JAKMIP2: variants seen among roughly 807,000 people sequenced by gnomAD.
JAKMIP2 encodes the protein janus kinase and microtubule-interacting protein 2.
In JAKMIP2, 25 loss-of-function variants were observed where a neutral mutation model predicts 115.0. The ratio of observed to expected loss-of-function variants is 0.22; its 90% CI spans 0.16 to 0.30. The LOEUF is 0.30. JAKMIP2 is among the 10% of genes least tolerant of loss of function. The pLI is 1.00. For synonymous variants in JAKMIP2, 334 were observed against 343.6 expected (o/e 0.97, Z 0.31); for missense variants, 642 against 957.6 (o/e 0.67, Z 4.35).
At chr5:147,702,446 G>T (rs1425185594) in intron 1 of JAKMIP2, among the ~76,000 whole-genome samples, 5 of 120,644 alleles carry the variant, frequency 4.1e-5, no homozygotes, top group Non-Finnish European at 6.4e-5. Flanking sequence ...AGGTAGGAAG[G>T]AAGGAAGGAA....
At chr5:147,741,779 C>T (rs1002040629) in intron 1 of JAKMIP2, among the ~76,000 whole-genome samples, 2 of 152,000 alleles carry the variant, frequency 1.3e-5, no homozygotes, top group Non-Finnish European at 1.5e-5. Context: ...TTAGAATCAA[C>T]GGTCAGTATA....
chr5:147,638,658 A>T (rs2126710046), intron 10 of JAKMIP2, among the ~76,000 whole-genome samples: 1 of 150,420 alleles, frequency 6.6e-6, no homozygotes, highest in East Asian at 2.0e-4. Context: ...TGCATTGTAG[A>T]CCCTCCAGAA....
Position 147,638,689 on chromosome 5 carries a change from T to C in JAKMIP2, c.1530+943A>G, listed in dbSNP as rs1236918547. On this transcript the variant is annotated intron_variant, in intron 10 of 21. Transcript: ENST00000616793. Reference sequence around the variant, plus strand: ...CAGAAAGAAAGTAGGATGAAATCACTGGGTGGTCTCGGTGGTCATGCTGCC... The same window carrying C: ...CAGAAAGAAAGTAGGATGAAATCACCGGGTGGTCTCGGTGGTCATGCTGCC... Among the ~76,000 whole-genome samples the C allele has an allele frequency of 3.9e-5, 6 of 152,186 alleles. No homozygotes were observed. The East Asian group carries it at 1.2e-3, about 29-fold the overall frequency.
chr5:147,763,991 C>A (rs1383597396), intron 1 of JAKMIP2, among the ~76,000 whole-genome samples: 1 of 152,134 alleles, frequency 6.6e-6, no homozygotes, highest in African/African-American at 2.4e-5. Context: ...ATGGAAAATA[C>A]TTAGAGACCA....
chr5:147,627,347 C>T (rs1169171897), intron 16 of JAKMIP2, among the ~76,000 whole-genome samples: 1 of 151,842 alleles, frequency 6.6e-6, no homozygotes, highest in African/African-American at 2.4e-5. Flanking sequence ...CAAGATGGGA[C>T]TATCTTCCAG....
intron 17 of JAKMIP2, among the ~76,000 whole-genome samples, 154 bp downstream of exon 17, chr5:147,623,467 C>G (rs1478331552): frequency 6.6e-6 from 1 of 152,020 alleles, no homozygotes; most frequent in African/African-American, 2.4e-5. Flanking sequence ...TTTGGTACTT[C>G]TGGTAATTTT....
rs185251051 is a variant in JAKMIP2 at position 147,586,856 on chromosome 5, T to A, written c.*4851A>T. The stretch of plus-strand genomic sequence containing the variant: ...TATCCTGCCACCTTAGCCTTCTGAG[T>A]AGCTATCTTTAGGAATTTTGATTAA... On this transcript the variant is annotated 3_prime_UTR_variant, in exon 22 of 22. Coordinates refer to ENST00000616793, the MANE Select transcript of JAKMIP2 (RefSeq NM_001270941.2). 3 of 150,354 alleles carry A rather than the reference T, an allele frequency of 2.0e-5. No individual in the cohort carries two copies. In the Admixed American group the frequency reaches 2.0e-4, roughly 10 times the overall value. 9.3% of individuals were successfully genotyped at this position (150,354 alleles called of 1,614,324 possible).
In JAKMIP2 at chr5:147,712,640, A is replaced by G. The variant is rs192742201; in HGVS notation, c.-148-40686T>C. Reference sequence around the variant, plus strand: ...TAAAATTGCTTTGCCAATATTGCTTAGTGGAGGTGGGGGAGGGGATATTTT... The same window carrying G: ...TAAAATTGCTTTGCCAATATTGCTTGGTGGAGGTGGGGGAGGGGATATTTT... On this transcript the variant is annotated intron_variant, in intron 1 of 21. Coordinates refer to ENST00000616793, the MANE Select transcript of JAKMIP2 (RefSeq NM_001270941.2). Among the ~76,000 whole-genome samples, 143 of 152,186 alleles carry G rather than the reference A, an allele frequency of 9.4e-4. 2 individuals carry two copies. The East Asian group carries it at 0.019, about 21-fold the overall frequency.
intron 1 of JAKMIP2, among the ~76,000 whole-genome samples, chr5:147,747,340 C>T (rs888454884): frequency 1.3e-5 from 2 of 152,156 alleles, no homozygotes; most frequent in Non-Finnish European, 2.9e-5. Context: ...AACGTCACTT[C>T]TACCTAGCCA....
chr5:147,589,319 CACCTGTA>C lies in JAKMIP2; in HGVS notation c.*2381_*2387del, dbSNP rs1755008780. ...AAAATTAGCCAGGTGTGGTGGTGTG[CACCTGTA>C]ATCCCAGCTACTAGGGAGGTTGAGG... is the stretch of plus-strand genomic sequence containing the variant. On this transcript the variant is annotated 3_prime_UTR_variant, in exon 22 of 22. Transcript: ENST00000616793. 6.6e-6 allele frequency: 1 copy of C among 151,988 alleles called. No homozygotes were observed. The allele number at this position is 151,988 out of a possible 1,614,324, so 9.4% of individuals were successfully genotyped here.
At chr5:147,684,171 A>G (rs1161883263) in intron 1 of JAKMIP2, among the ~76,000 whole-genome samples, 2 of 152,132 alleles carry the variant, frequency 1.3e-5, no homozygotes, top group Admixed American at 6.5e-5. Context: ...CCACAGGAAA[A>G]TCACTTCAGG....
At chr5:147,689,726 C>T (rs924241867) in intron 1 of JAKMIP2, among the ~76,000 whole-genome samples, 1 of 152,110 alleles carries the variant, frequency 6.6e-6, no homozygotes, top group African/African-American at 2.4e-5. Flanking sequence ...GTGTCCATGC[C>T]CTCAGAGAGC....
intron 20 of JAKMIP2, among the ~76,000 whole-genome samples, chr5:147,608,183 C>T (rs1756129265): frequency 6.6e-6 from 1 of 152,088 alleles, no homozygotes; most frequent in African/African-American, 2.4e-5. Flanking sequence ...TTCAGTTTTG[C>T]TCTGATCTTA....
At chr5:147,742,721 C>T (rs374766047) in intron 1 of JAKMIP2, among the ~76,000 whole-genome samples, 7 of 152,252 alleles carry the variant, frequency 4.6e-5, no homozygotes, top group East Asian at 3.9e-4. Flanking sequence ...CATAATCCTA[C>T]GTTTGTTATG....
chr5:147,678,059 C>T (rs1256387310), intron 1 of JAKMIP2, among the ~76,000 whole-genome samples: 1 of 152,182 alleles, frequency 6.6e-6, no homozygotes, highest in Admixed American at 6.5e-5. Context: ...GGCTGGAGTG[C>T]AGTGGTGCGA....
In JAKMIP2 at chr5:147,639,636, G is replaced by A. The variant is rs1370623758; in HGVS notation, c.1526C>T (p.Ala509Val). The change falls in exon 10 of 22, where the codon GCC (alanine) becomes GTC (valine). Residue 509 changes from alanine to valine, a missense_variant. Ala to Val is a moderately conservative substitution (Grantham distance 64, BLOSUM62 0). This residue lies in a region of JAKMIP2 where 103 missense variants were observed against 177.6 expected (regional missense o/e 0.58). Coordinates refer to ENST00000616793, the MANE Select transcript of JAKMIP2 (RefSeq NM_001270941.2). Reference sequence around the variant, plus strand: ...CTCTCACAGATACACACTAACCTTGGCTTCTCGTTCAGCGTCGATGATGCC... The same window carrying A: ...CTCTCACAGATACACACTAACCTTGACTTCTCGTTCAGCGTCGATGATGCC... Reference protein sequence around the residue: ...TGGIIDAEREAKAQEQLQAEV... With the variant: ...TGGIIDAEREVKAQEQLQAEV... 1 of 1,612,614 alleles carries A rather than the reference G, an allele frequency of 6.2e-7. No homozygotes were observed. The highest frequency in any genetic ancestry group is 1.7e-5 in the Admixed American group (1 of 59,774).
intron 1 of JAKMIP2, among the ~76,000 whole-genome samples, chr5:147,675,228 G>A (rs577929446): frequency 6.6e-5 from 10 of 150,836 alleles, no homozygotes; most frequent in African/African-American, 2.2e-4. Context: ...CCCACAAAGG[G>A]TGAGGAAAAG....
At chr5:147,597,649 T>C (rs1410312458) in intron 21 of JAKMIP2, among the ~76,000 whole-genome samples, 1 of 152,218 alleles carries the variant, frequency 6.6e-6, no homozygotes, top group Non-Finnish European at 1.5e-5. Flanking sequence ...CATTGCAACC[T>C]GGGTATAGCA....
intron 1 of JAKMIP2, among the ~76,000 whole-genome samples, chr5:147,766,949 C>T (rs1454752861): frequency 6.6e-6 from 1 of 152,094 alleles, no homozygotes; most frequent in African/African-American, 2.4e-5. Context: ...GATAAAAGCC[C>T]TTAAATAAAC....
Sources: gnomAD v4.1 joint callset for allele counts (sites outside exome capture counted in the v4.1 genomes callset) on GRCh38, gnomAD v4.1.1 for gene constraint, gnomAD v4.1.1 regional missense constraint, MANE v1.5 for transcripts, NCBI Gene and HGNC (gene_info 2026-07-23, HGNC 2026-07-21) for gene names.